Variants in MAST2 observed in about 807,000 individuals in gnomAD.
MAST2 encodes microtubule-associated serine/threonine-protein kinase 2.
A neutral mutation model predicts 147.4 loss-of-function variants in MAST2; 70 were observed. The observed-to-expected ratio is 0.47, with a 90% confidence interval of 0.39 to 0.58. The LOEUF is 0.58. Ranked by LOEUF, MAST2 falls within the 20% of genes least tolerant of loss-of-function variation. The probability of loss-of-function intolerance (pLI) is 0.00; values close to 1 mark genes in which losing one functional copy is unlikely to be tolerated. For synonymous variants in MAST2, 869 were observed against 896.8 expected (o/e 0.97, Z 0.55); for missense variants, 2,080 against 2,302.3 (o/e 0.90, Z 1.98).
At chr1:45,850,675 A>T (rs1274713337) in intron 3 of MAST2, among the ~76,000 whole-genome samples, 2 of 152,108 alleles carry the variant, frequency 1.3e-5, no homozygotes, top group Non-Finnish European at 2.9e-5. Flanking sequence ...GCATGTGCCT[A>T]GCCAGCTATC....
At chr1:45,908,820 A>G (rs746065600) in intron 4 of MAST2, among the ~76,000 whole-genome samples, 1 of 152,154 alleles carries the variant, frequency 6.6e-6, no homozygotes, top group Non-Finnish European at 1.5e-5. Context: ...TGCCCTTGTA[A>G]GAAAATTGCT....
intron 3 of MAST2, among the ~76,000 whole-genome samples, chr1:45,862,193 C>T (rs1284503602): frequency 6.6e-6 from 1 of 152,192 alleles, no homozygotes; most frequent in East Asian, 1.9e-4. Flanking sequence ...AGGTTACACA[C>T]TACTCTGTGA....
At position 46,034,155 on chromosome 1, in the gene MAST2, C is replaced by T. The variant is rs1646798348; in HGVS notation, c.3757C>T (p.Arg1253Cys). The change falls in exon 28 of 29, where the codon CGC becomes TGC. Residue 1253 changes from arginine (R) to cysteine (C), a missense_variant. Arg to Cys is a radical substitution (Grantham distance 180, BLOSUM62 -3). Coordinates refer to ENST00000361297, the MANE Select transcript of MAST2 (RefSeq NM_015112.3). ...HTSRSLSSLN[R>C]SLSSGESGPG... is the part of the protein sequence containing the mutation. ...CAGCCGCAGCCTTTCTTCCCTTAAC[C>T]GCTCCTTGTCATCAGGGGAGAGTGG... 5.0e-6 allele frequency: 8 copies of T among 1,614,056 alleles called. No individual in the cohort carries two copies. Among genetic ancestry groups the T allele is most frequent in the Non-Finnish European group, 2.5e-6 (3 of 1,180,032 alleles).
intron 4 of MAST2, among the ~76,000 whole-genome samples, chr1:45,944,486 C>T (rs576832446): frequency 6.6e-6 from 1 of 152,248 alleles, no homozygotes; most frequent in East Asian, 1.9e-4. Context: ...TTTTCTTTTG[C>T]AACTTTTTGT....
Position 46,022,086 on chromosome 1 carries a change from A to G in MAST2, c.1423+4A>G. On this transcript the variant is annotated splice_donor_region_variant and intron_variant, in intron 12 of 28. Coordinates refer to ENST00000361297, the MANE Select transcript of MAST2 (RefSeq NM_015112.3). ...CTCACCCGGGATCCCCTAGAAGGTG[A>G]GCATGCTGCCTAGTGGCTGCAAAGA... 1 of 1,614,022 alleles carries G rather than the reference A, an allele frequency of 6.2e-7. No homozygotes were observed. The highest frequency in any genetic ancestry group is 8.5e-7 in the Non-Finnish European group (1 of 1,179,934).
At chr1:46,033,645 T>G (rs1646773816) in intron 26 of MAST2, among the ~76,000 whole-genome samples, 157 bp from the exon 27 acceptor site, 1 of 152,164 alleles carries the variant, frequency 6.6e-6, no homozygotes, top group South Asian at 2.1e-4. Flanking sequence ...TTTCCTCATC[T>G]GTAAAAACAA....
Position 46,034,213 on chromosome 1 carries a change from C to T in MAST2, c.3815C>T (p.Ser1272Phe), listed in dbSNP as rs1468246875. Residue 1272 changes from serine (S) to phenylalanine (F), a missense_variant, in exon 28 of 29, where the codon TCC becomes TTC. Transcript: ENST00000361297. Reference protein sequence around the residue: ...PGSPTHSHSLSPRSPTQGYRV... With the variant: ...PGSPTHSHSLFPRSPTQGYRV... ...TCTCCCACACACAGCCACAGCCTTT[C>T]CCCCCGATCTCCCACTCAAGGCTAC... 2.2e-5 allele frequency: 35 copies of T among 1,613,864 alleles called. No individual in the cohort carries two copies. Among genetic ancestry groups the T allele is most frequent in the Admixed American group, 5.0e-5 (3 of 59,988 alleles).
At chr1:45,837,663 T>A (rs932124988) in intron 3 of MAST2, among the ~76,000 whole-genome samples, 10 of 152,364 alleles carry the variant, frequency 6.6e-5, no homozygotes, top group South Asian at 2.1e-4. Context: ...GTGGAATGTA[T>A]ATTTACCAGT....
chr1:46,008,335 A>G lies in MAST2; in HGVS notation c.942A>G (p.Ile314Met). The change falls in exon 9 of 29, where the codon ATA (isoleucine) becomes ATG (methionine). Residue 314 changes from isoleucine (I) to methionine (M), a missense_variant. By Grantham distance (10) the Ile-to-Met change is conservative (BLOSUM62 1). This residue lies in a region of MAST2 where 569 missense variants were observed against 642.5 expected (regional missense o/e 0.89). Coordinates refer to ENST00000361297, the MANE Select transcript of MAST2 (RefSeq NM_015112.3). ...CAGTATCCTTTGACAGTGAAATAAT[A>G]ATGATGAATCATGTTTACAAAGAAA... Reference protein sequence around the residue: ...RSPVSFDSEIIMMNHVYKERF... With the variant: ...RSPVSFDSEIMMMNHVYKERF... 1.9e-6 allele frequency: 3 copies of G among 1,612,800 alleles called. No individual in the cohort carries two copies. The highest frequency in any genetic ancestry group is 2.5e-6 in the Non-Finnish European group (3 of 1,178,770).
chr1:46,015,828 T>G (rs1291423135), intron 10 of MAST2, among the ~76,000 whole-genome samples: 4 of 152,134 alleles, frequency 2.6e-5, no homozygotes, highest in East Asian at 1.9e-4. Context: ...CATTTTATGA[T>G]GCCAGCATCA....
At chr1:45,854,679 C>T (rs1379778620) in intron 3 of MAST2, among the ~76,000 whole-genome samples, 2 of 152,142 alleles carry the variant, frequency 1.3e-5, no homozygotes, top group Non-Finnish European at 2.9e-5. Flanking sequence ...CTCACCACAA[C>T]ACAGGACCCT....
chr1:45,885,938 T>C (rs1647061031), intron 4 of MAST2, among the ~76,000 whole-genome samples: 1 of 151,886 alleles, frequency 6.6e-6, no homozygotes, highest in African/African-American at 2.4e-5. Flanking sequence ...TGTGTTTCTG[T>C]GGGGGTGAGG....
intron 3 of MAST2, among the ~76,000 whole-genome samples, chr1:45,873,596 G>A (rs1386805931): frequency 2.6e-5 from 4 of 152,154 alleles, no homozygotes; most frequent in African/African-American, 9.7e-5. Context: ...GGCAGAGTAG[G>A]TATTTTTATC....
chr1:45,914,335 T>C (rs1482571581), intron 4 of MAST2, among the ~76,000 whole-genome samples: 1 of 152,196 alleles, frequency 6.6e-6, no homozygotes. Flanking sequence ...ATGGGTCCTT[T>C]AGGGTGTGAC....
chr1:46,003,128 G>C (rs1452414099), intron 7 of MAST2, among the ~76,000 whole-genome samples: 1 of 152,210 alleles, frequency 6.6e-6, no homozygotes, highest in African/African-American at 2.4e-5. Context: ...AGTGGAGGCA[G>C]AGGAGAGCTT....
rs764405798 is a variant in MAST2 at position 46,032,442 on chromosome 1, C to T, written c.3414+38C>T. On this transcript the variant is annotated intron_variant, in intron 25 of 28. Transcript: ENST00000361297. ...ATCCAGACCTGCTGTCTCCCTGCTT[C>T]ATCATCCTTCCAGCTTCCCCTTTGT... 5.0e-6 allele frequency: 8 copies of T among 1,608,202 alleles called. No homozygotes were observed. In the African/African-American group the frequency reaches 8.0e-5, roughly 16 times the overall value.
intron 26 of MAST2, among the ~76,000 whole-genome samples, 170 bp from the exon 27 acceptor site, chr1:46,033,632 C>T (rs1285397835): frequency 6.6e-6 from 1 of 152,116 alleles, no homozygotes; most frequent in Non-Finnish European, 1.5e-5. Context: ...CCAATGGGAG[C>T]CATTTCCTCA....
At chr1:45,977,731 C>T (rs1189619187) in intron 5 of MAST2, among the ~76,000 whole-genome samples, 2 of 146,098 alleles carry the variant, frequency 1.4e-5, no homozygotes, top group Admixed American at 7.0e-5. Flanking sequence ...ACCCAGGAGG[C>T]GGAGGTTGCA....
intron 4 of MAST2, among the ~76,000 whole-genome samples, chr1:45,939,837 G>A (rs1233399437): frequency 1.3e-5 from 2 of 151,988 alleles, no homozygotes; most frequent in African/African-American, 4.8e-5. Flanking sequence ...ACCGTGCCTG[G>A]CCCAATTTTT....
Sources: gnomAD v4.1 joint callset for allele counts (sites outside exome capture counted in the v4.1 genomes callset) on GRCh38, gnomAD v4.1.1 for gene constraint, gnomAD v4.1.1 regional missense constraint, MANE v1.5 for transcripts, NCBI Gene and HGNC (gene_info 2026-07-23, HGNC 2026-07-21) for gene names.